Variants in ENO4 observed in about 807,000 individuals in gnomAD.
ENO4 encodes the protein 2-phospho-D-glycerate hydro-lyase.
A neutral mutation model predicts 63.2 loss-of-function variants in ENO4; 53 were observed. The ratio of observed to expected loss-of-function variants is 0.84; its 90% CI spans 0.67 to 1.05. The LOEUF is 1.05. Ranked by LOEUF, ENO4 falls within the 50% of genes least tolerant of loss-of-function variation. ENO4 has a pLI of 0.00. For synonymous variants in ENO4, 266 were observed against 283.8 expected (o/e 0.94, Z 0.63); for missense variants, 719 against 772.0 (o/e 0.93, Z 0.81).
intron 10 of ENO4, among the ~76,000 whole-genome samples, chr10:116,875,561 TCACACACACACA>T (rs56000218): frequency 6.8e-6 from 1 of 148,014 alleles, no homozygotes; most frequent in South Asian, 2.2e-4. Flanking sequence ...TCCAGGCTGG[TCACACACACACA>T]CACACACACA....
At chr10:116,872,400 G>A in intron 9 of ENO4, among the ~76,000 whole-genome samples, 1 of 152,064 alleles carries the variant, frequency 6.6e-6, no homozygotes. Context: ...TATCATGGGA[G>A]GTAACTGAAT....
chr10:116,875,931 GAACAGAAGTAA>G (rs533606435), intron 10 of ENO4, 123 bp from the exon 11 acceptor site: 11,461 of 613,230 alleles, frequency 0.019, 114 homozygotes, highest in Non-Finnish European at 0.025. Context: ...GGTCATTCAG[GAACAGAAGTAA>G]AAGAAAATTG....
chr10:116,878,244 G>GAACTAGACAGAA (rs1442694169), intron 11 of ENO4, among the ~76,000 whole-genome samples: 1 of 152,228 alleles, frequency 6.6e-6, no homozygotes, highest in Non-Finnish European at 1.5e-5. Flanking sequence ...TAGACAGAAA[G>GAACTAGACAGAA]CTGGTCTCAG....
chr10:116,863,390 A>ACACACG (rs1465828174), intron 7 of ENO4, among the ~76,000 whole-genome samples: 11 of 151,258 alleles, frequency 7.3e-5, no homozygotes, highest in African/African-American at 2.2e-4. Context: ...ACACACACGC[A>ACACACG]CACACCTTTT....
In ENO4 at chr10:116,861,080, A is replaced by G; in HGVS notation, c.826A>G (p.Met276Val). The change falls in exon 6 of 14, where the codon ATG (methionine) becomes GTG (valine). Residue 276 changes from methionine to valine, a missense_variant. Met to Val is a conservative substitution (Grantham distance 21). Around this residue, in one of 3 missense-constraint regions of ENO4, gnomAD observed 544 missense variants for 583.6 expected, o/e 0.93. Transcript: ENST00000341276. Reference sequence around the variant, plus strand: ...TCAGGAACAGCCAACAACGCTATCTATGCCTTTGCTGATGGTATCGCTGGT... The same window carrying G: ...TCAGGAACAGCCAACAACGCTATCTGTGCCTTTGCTGATGGTATCGCTGGT... ...HNQEQPTTLSMPLLMVSLVSC... is the reference protein window; with the variant it reads ...HNQEQPTTLSVPLLMVSLVSC... The G allele has an allele frequency of 6.5e-7, 1 of 1,549,172 alleles. No homozygotes were observed. Among genetic ancestry groups the G allele is most frequent in the Non-Finnish European group, 8.7e-7 (1 of 1,146,524 alleles).
At chr10:116,857,784 C>T (rs1260998870) in intron 3 of ENO4, among the ~76,000 whole-genome samples, 6 of 151,986 alleles carry the variant, frequency 3.9e-5, no homozygotes, top group Non-Finnish European at 8.8e-5. Context: ...ATTACATGCA[C>T]TTGCCACCAT....
intron 1 of ENO4, among the ~76,000 whole-genome samples, chr10:116,851,707 TCA>T (rs1846092394): frequency 6.6e-6 from 1 of 152,234 alleles, no homozygotes; most frequent in African/African-American, 2.4e-5. Context: ...TGTGTGTGGT[TCA>T]CAGTGCTCAG....
chr10:116,885,343 A>G (rs1847133088), downstream of ENO4: 1 of 152,646 alleles, frequency 6.6e-6, no homozygotes, highest in African/African-American at 2.4e-5. Context: ...TCAACTTTGA[A>G]AAGCTGCATA....
intron 10 of ENO4, among the ~76,000 whole-genome samples, chr10:116,890,626 G>T (rs1298419948): frequency 6.6e-6 from 1 of 152,182 alleles, no homozygotes; most frequent in Non-Finnish European, 1.5e-5. Flanking sequence ...AAAGCTACGA[G>T]AAATATACCA....
intron 10 of ENO4, among the ~76,000 whole-genome samples, chr10:116,904,437 CTTTT>C (rs779336840): frequency 6.9e-6 from 1 of 144,812 alleles, no homozygotes; most frequent in Non-Finnish European, 1.5e-5. Flanking sequence ...TGTTTCCTTC[CTTTT>C]TTTTTTTTCT....
intron 1 of ENO4, among the ~76,000 whole-genome samples, chr10:116,853,402 T>C (rs2133242897): frequency 6.6e-6 from 1 of 152,152 alleles, no homozygotes; most frequent in South Asian, 2.1e-4. Context: ...GGGATGGAGA[T>C]GATATCACAT....
rs567741364 is a variant in ENO4, at chr10:116,901,124, C to A, written c.1195-10375C>A. On this transcript the variant is annotated intron_variant, in intron 10 of 10. Coordinates refer to the ENO4 transcript ENST00000369207. ...AGTGACAAACTAGCTGACATCCTGG[C>A]AAGAGAACTAAAGCAAAACTGTAGA... 3.6e-5 allele frequency: 35 copies of A among 985,288 alleles called. 1 individual carries two copies. The South Asian group carries it at 1.3e-3, about 37-fold the overall frequency. 61.0% of individuals were successfully genotyped at this position (985,288 alleles called of 1,614,324 possible). A position where few individuals can be genotyped will look rare whatever the true frequency, so the allele number is the denominator to read the frequency against.
At position 116,876,274 on chromosome 10, in the gene ENO4, T is replaced by TAC; in HGVS notation, c.1537+16_1537+17dup. ...ATCTGATTGACAGTGAGTAAAAGCATACATCTGAAAGACTCGTAATGACTT... is the reference window on the plus strand; with the variant it reads ...ATCTGATTGACAGTGAGTAAAAGCATACACATCTGAAAGACTCGTAATGACTT... On this transcript the variant is annotated intron_variant, in intron 11 of 13. Coordinates refer to ENST00000341276, the MANE Select transcript of ENO4 (RefSeq NM_001242699.2). 6.6e-7 allele frequency: 1 copy of TAC among 1,522,634 alleles called. No homozygotes were observed. The highest frequency in any genetic ancestry group is 1.3e-5 in the South Asian group (1 of 79,036). 94.3% of individuals were successfully genotyped at this position (1,522,634 alleles called of 1,614,324 possible).
chr10:116,891,472 A>G (rs1847339928), intron 10 of ENO4, among the ~76,000 whole-genome samples: 1 of 152,230 alleles, frequency 6.6e-6, no homozygotes, highest in Non-Finnish European at 1.5e-5. Flanking sequence ...ATAAAAATGG[A>G]TAAAACCGCA....
At chr10:116,906,354 G>C (rs896540332) in intron 10 of ENO4, among the ~76,000 whole-genome samples, 2 of 152,188 alleles carry the variant, frequency 1.3e-5, no homozygotes, top group Admixed American at 6.5e-5. Flanking sequence ...ATCTCTTCCT[G>C]AATGTCTTTA....
At chr10:116,884,328 A>T (rs1847104894), downstream of ENO4, 1 of 446,644 alleles carries the variant, frequency 2.2e-6, no homozygotes, top group Non-Finnish European at 4.6e-6. Context: ...TAGGCAGAAA[A>T]AGGTGAGTGA....
downstream of ENO4, chr10:116,886,440 A>G: frequency 6.2e-7 from 1 of 1,611,942 alleles, no homozygotes; most frequent in Non-Finnish European, 8.5e-7. Flanking sequence ...GTTGAGTTGG[A>G]TCTTTTTCAG....
At chr10:116,873,963 C>A (rs1022075313) in intron 9 of ENO4, 113 bp from the exon 10 acceptor site, 1 of 1,331,338 alleles carries the variant, frequency 7.5e-7, no homozygotes, top group Non-Finnish European at 9.9e-7. Context: ...CTGAAAAGAA[C>A]CTGTTTACAA....
rs1847022235 is a variant in ENO4, at chr10:116,881,736, C to T, written c.*67C>T. On this transcript the variant is annotated 3_prime_UTR_variant, in exon 14 of 14. Coordinates refer to ENST00000341276, the MANE Select transcript of ENO4 (RefSeq NM_001242699.2). Reference sequence around the variant, plus strand: ...GTAGACCGGGAGGTCTGAAGTACGGCGCCGTGTCTCCACATGGAGTTTCCT... The same window carrying T: ...GTAGACCGGGAGGTCTGAAGTACGGTGCCGTGTCTCCACATGGAGTTTCCT... 7.4e-6 allele frequency: 9 copies of T among 1,219,022 alleles called. No individual in the cohort carries two copies. Among genetic ancestry groups the T allele is most frequent in the Admixed American group, 3.9e-5 (1 of 25,400 alleles). The allele number at this position is 1,219,022 out of a possible 1,614,324, so 75.5% of individuals were successfully genotyped here.
Sources: gnomAD v4.1 joint callset for allele counts (sites outside exome capture counted in the v4.1 genomes callset) on GRCh38, gnomAD v4.1.1 for gene constraint, gnomAD v4.1.1 regional missense constraint, MANE v1.5 for transcripts, NCBI Gene and HGNC (gene_info 2026-07-23, HGNC 2026-07-21) for gene names.